NALF1: variants seen among roughly 807,000 people sequenced by gnomAD.
The protein encoded by NALF1 is family with sequence similarity 155 member A.
A neutral mutation model predicts 48.4 loss-of-function variants in NALF1; 3 were observed. That is an observed-to-expected ratio of 0.06 (90% CI 0.03 to 0.16). The LOEUF is 0.16. Ranked by LOEUF, NALF1 falls within the 10% of genes least tolerant of loss-of-function variation. The pLI is 1.00. For missense variants in NALF1, 526 were observed against 571.5 expected, an observed-to-expected ratio of 0.92 and a Z score of 0.81; for synonymous variants, 262 against 245.7, an observed-to-expected ratio of 1.07 and a Z score of -0.62.
chr13:107,439,928 GA>G (rs34894433), intron 1 of NALF1, among the ~76,000 whole-genome samples: 2 of 152,030 alleles, frequency 1.3e-5, no homozygotes, highest in Non-Finnish European at 2.9e-5. Context: ...TTAACTGTTG[GA>G]AAAAGGTCAT....
At chr13:107,329,583 G>A (rs2138922492) in intron 1 of NALF1, among the ~76,000 whole-genome samples, 1 of 151,742 alleles carries the variant, frequency 6.6e-6, no homozygotes, top group South Asian at 2.1e-4. Flanking sequence ...CATGTGCCAT[G>A]TTGGTGTGCT....
At chr13:107,470,794 T>C (rs1885088050) in intron 1 of NALF1, among the ~76,000 whole-genome samples, 1 of 152,116 alleles carries the variant, frequency 6.6e-6, no homozygotes, top group Non-Finnish European at 1.5e-5. Context: ...AGTCATATTA[T>C]TATAATATAA....
chr13:107,675,846 T>C (rs1433706963), intron 1 of NALF1, among the ~76,000 whole-genome samples: 1 of 152,162 alleles, frequency 6.6e-6, no homozygotes, highest in African/African-American at 2.4e-5. Flanking sequence ...TACATGGGGA[T>C]CTAAAAAATG....
At chr13:107,373,558 T>TG (rs757322253) in intron 1 of NALF1, among the ~76,000 whole-genome samples, 5 of 152,106 alleles carry the variant, frequency 3.3e-5, no homozygotes, top group Non-Finnish European at 7.4e-5. Flanking sequence ...CCACAGCCAA[T>TG]GGGTCCAGCT....
At chr13:107,423,942 T>A (rs1055486683) in intron 1 of NALF1, among the ~76,000 whole-genome samples, 4 of 152,280 alleles carry the variant, frequency 2.6e-5, no homozygotes, top group Admixed American at 2.0e-4. Context: ...AAAGTAAGAT[T>A]GTATTATGTG....
At chr13:107,606,141 T>C (rs921819511) in intron 1 of NALF1, among the ~76,000 whole-genome samples, 2 of 152,096 alleles carry the variant, frequency 1.3e-5, no homozygotes, top group African/African-American at 2.4e-5. Flanking sequence ...TTTACAATCC[T>C]TGTTACAAAA....
At chr13:107,753,494 C>CTT (rs200846121) in intron 1 of NALF1, among the ~76,000 whole-genome samples, 16 of 137,086 alleles carry the variant, frequency 1.2e-4, no homozygotes, top group African/African-American at 4.0e-4. Context: ...CCAAGGCAGT[C>CTT]TTTTTTTTTT....
At chr13:107,836,013 A>G (rs191544440) in intron 1 of NALF1, among the ~76,000 whole-genome samples, 1 of 152,198 alleles carries the variant, frequency 6.6e-6, no homozygotes, top group East Asian at 1.9e-4. Flanking sequence ...TCTTTTTGAG[A>G]CAGGGTCTTG....
intron 1 of NALF1, among the ~76,000 whole-genome samples, chr13:107,438,552 T>G (rs111922868): frequency 2.4e-4 from 37 of 151,978 alleles, no homozygotes; most frequent in African/African-American, 8.7e-4. Context: ...GCCTGTCATC[T>G]CAGCACTTTG....
intron 2 of NALF1, among the ~76,000 whole-genome samples, chr13:107,177,351 T>C (rs776958700): frequency 3.3e-5 from 5 of 152,200 alleles, no homozygotes; most frequent in Non-Finnish European, 7.3e-5. Flanking sequence ...CAGAAGTAAT[T>C]GCAGTAATAC....
At chr13:107,322,256 T>C (rs1198318321) in intron 1 of NALF1, among the ~76,000 whole-genome samples, 2 of 152,306 alleles carry the variant, frequency 1.3e-5, no homozygotes, top group East Asian at 3.9e-4. Flanking sequence ...CTCACCTACA[T>C]GTAACGTGGA....
chr13:107,460,277 C>A (rs1228001374), intron 1 of NALF1, among the ~76,000 whole-genome samples: 1 of 152,208 alleles, frequency 6.6e-6, no homozygotes, highest in Non-Finnish European at 1.5e-5. Flanking sequence ...AGTGGCACAG[C>A]TGTGTGATCC....
In NALF1 at chr13:107,681,616, T is replaced by C. The variant is rs765067585; in HGVS notation, c.915+184066A>G. ...GGTGAGCTGGGGAGACTTAGTCAGATGAAATGACCGGAGCGGGCTGTCCAT... is the reference window on the plus strand; with the variant it reads ...GGTGAGCTGGGGAGACTTAGTCAGACGAAATGACCGGAGCGGGCTGTCCAT... On this transcript the variant is annotated intron_variant, in intron 1 of 2. Transcript: ENST00000375915. Among the ~76,000 whole-genome samples, 8 of 152,268 alleles carry C rather than the reference T, an allele frequency of 5.3e-5. No homozygotes were observed. The East Asian group carries it at 7.7e-4, about 15-fold the overall frequency.
At chr13:107,253,102 C>T (rs1338076302) in intron 1 of NALF1, among the ~76,000 whole-genome samples, 1 of 151,022 alleles carries the variant, frequency 6.6e-6, no homozygotes, top group East Asian at 1.9e-4. Context: ...TAATAGTCAA[C>T]CTTTTATTTT....
intron 1 of NALF1, among the ~76,000 whole-genome samples, chr13:107,520,982 TA>T (rs1566375449): frequency 6.6e-6 from 1 of 152,184 alleles, no homozygotes; most frequent in Non-Finnish European, 1.5e-5. Flanking sequence ...TTACACTGTA[TA>T]TTTTAACATA....
Position 107,733,525 on chromosome 13 carries a change from C to A in NALF1, c.915+132157G>T, listed in dbSNP as rs539839034. On this transcript the variant is annotated intron_variant, in intron 1 of 2. Coordinates refer to ENST00000375915, the MANE Select transcript of NALF1 (RefSeq NM_001080396.3). ...ACAGTAGTTTTTAATCTAGATGTATCTTTAAAAAACAAAATTATACAAATA... is the reference window on the plus strand; with the variant it reads ...ACAGTAGTTTTTAATCTAGATGTATATTTAAAAAACAAAATTATACAAATA... Among the ~76,000 whole-genome samples the A allele has an allele frequency of 4.7e-4, 72 of 152,228 alleles. 1 individual carries two copies. Among genetic ancestry groups the A allele is most frequent in the African/African-American group, 1.7e-3 (72 of 41,538 alleles).
At chr13:107,755,483 G>A (rs887695344) in intron 1 of NALF1, among the ~76,000 whole-genome samples, 2 of 151,296 alleles carry the variant, frequency 1.3e-5, no homozygotes, top group Non-Finnish European at 2.9e-5. Context: ...TCTTTTTCAT[G>A]AGTCCATCTA....
intron 1 of NALF1, among the ~76,000 whole-genome samples, chr13:107,854,997 C>T (rs1880408590): frequency 6.6e-6 from 1 of 152,132 alleles, no homozygotes. Flanking sequence ...GGCAGATAAC[C>T]TCGTGGATCT....
chr13:107,602,723 C>T (rs1022109149), intron 1 of NALF1, among the ~76,000 whole-genome samples: 2 of 152,138 alleles, frequency 1.3e-5, no homozygotes, highest in African/African-American at 2.4e-5. Flanking sequence ...TATTCCTTCG[C>T]GTCTAACCCT....
Sources: allele counts gnomAD v4.1 joint callset (sites outside exome capture counted in the v4.1 genomes callset), GRCh38; gene constraint gnomAD v4.1.1; transcripts MANE v1.5; gene names NCBI Gene and HGNC (gene_info 2026-07-23, HGNC 2026-07-21).